The following ATOSB variants were observed in gnomAD, a reference collection of about 807,000 sequenced individuals.
ATOSB encodes atos homolog protein B.
chr9:35,113,674 A>G, the ATOSB span, among the ~76,000 whole-genome samples: 2 of 137,696 alleles, frequency 1.5e-5, no homozygotes, highest in African/African-American at 5.9e-5. Context: ...ATAAATAAAT[A>G]AAGAGGCCTT....
the ATOSB span, chr9:35,110,168 G>A: frequency 6.6e-6 from 1 of 152,318 alleles, no homozygotes; most frequent in African/African-American, 2.4e-5. Context: ...GGATCCCTAA[G>A]AAAATCCTGG....
chr9:35,108,672 T>TACGGCGA, the ATOSB span: 1 of 1,011,266 alleles, frequency 9.9e-7, no homozygotes, highest in Non-Finnish European at 1.2e-6. Context: ...TGCAGTCTGA[T>TACGGCGA]CCATGCCTGC....
chr9:35,106,803 A>G, the ATOSB span: 1 of 1,557,006 alleles, frequency 6.4e-7, no homozygotes, highest in Non-Finnish European at 8.7e-7. This position sits in a 1 kb window ranked among gnomAD's most constrained non-coding sequence, Gnocchi z 4.6. Context: ...ATTCTCAGGG[A>G]CAGGGTAGAG....
the ATOSB span, chr9:35,106,961 A>C: frequency 7.3e-7 from 1 of 1,377,464 alleles, no homozygotes; most frequent in Non-Finnish European, 1.0e-6. The surrounding 1 kb of genome is among the most constrained non-coding windows in gnomAD (Gnocchi z 4.6). Context: ...GAAGCTCATC[A>C]CAAACTCTCA....
At chr9:35,114,970 T>TGGGCAAGGGCCAGGCCAGGCCCTG in the ATOSB span, among the ~76,000 whole-genome samples, 2 of 139,456 alleles carry the variant, frequency 1.4e-5, no homozygotes, top group Non-Finnish European at 3.0e-5. Flanking sequence ...AGCTCCTAGA[T>TGGGCAAGGGCCAGGCCAGGCCCTG]GGGCAAGGGC....
the ATOSB span, chr9:35,107,431 C>T: frequency 3.1e-6 from 5 of 1,613,566 alleles, no homozygotes; most frequent in Non-Finnish European, 2.5e-6. Flanking sequence ...AAGGGTGTGG[C>T]TTTGGCATCA....
At chr9:35,110,233 A>C in the ATOSB span, 1 of 152,242 alleles carries the variant, frequency 6.6e-6, no homozygotes, top group Non-Finnish European at 1.5e-5. Flanking sequence ...CGCAACCTGC[A>C]CTATCCTACC....
chr9:35,108,280 C>A, the ATOSB span: 10 of 1,538,302 alleles, frequency 6.5e-6, no homozygotes, highest in Admixed American at 5.9e-5. Flanking sequence ...CGCATGAAGC[C>A]CCCCTTGGGT....
the ATOSB span, among the ~76,000 whole-genome samples, chr9:35,112,174 C>T: frequency 1.3e-5 from 2 of 152,202 alleles, no homozygotes; most frequent in African/African-American, 2.4e-5. Flanking sequence ...GTACTTTTCC[C>T]TCTGTTACTC....
chr9:35,104,661 G>T, the ATOSB span: 1 of 408,164 alleles, frequency 2.4e-6, no homozygotes, highest in Non-Finnish European at 5.1e-6. Context: ...GGAAGGACAG[G>T]GGAAGCTGAG....
the ATOSB span, chr9:35,108,359 A>G: frequency 1.4e-6 from 2 of 1,435,158 alleles, no homozygotes; most frequent in African/African-American, 2.9e-5. Context: ...TCTGTGTAAG[A>G]GAAGAGAAGA....
At chr9:35,108,574 CT>C in the ATOSB span, 15 of 1,202,168 alleles carry the variant, frequency 1.2e-5, no homozygotes, top group East Asian at 8.3e-5. Context: ...ACACTTCCCC[CT>C]CTTCTCCCTG....
chr9:35,105,134 G>T, the ATOSB span: 1 of 1,398,150 alleles, frequency 7.2e-7, no homozygotes, highest in South Asian at 1.4e-5. The surrounding 1 kb of genome is among the most constrained non-coding windows in gnomAD (Gnocchi z 5.5). Context: ...AAGCCTGAAG[G>T]GTCTCTTGCT....
chr9:35,115,026 CCA>C, the ATOSB span, among the ~76,000 whole-genome samples: 1 of 150,682 alleles, frequency 6.6e-6, no homozygotes, highest in South Asian at 2.1e-4. Flanking sequence ...ATGAGCACAC[CCA>C]GAGCATAAGG....
the ATOSB span, among the ~76,000 whole-genome samples, chr9:35,113,154 A>C: frequency 1.3e-5 from 2 of 152,210 alleles, no homozygotes; most frequent in Non-Finnish European, 2.9e-5. Flanking sequence ...GAAAACAGAG[A>C]CGTAGAACAC....
At chr9:35,114,727 G>A in the ATOSB span, among the ~76,000 whole-genome samples, 95 of 152,302 alleles carry the variant, frequency 6.2e-4, no homozygotes, top group African/African-American at 2.2e-3. Flanking sequence ...AAAACAGACA[G>A]AAGACCCTCA....
At chr9:35,105,950 G>A in the ATOSB span, 8 of 1,614,072 alleles carry the variant, frequency 5.0e-6, no homozygotes, top group East Asian at 1.1e-4. The surrounding 1 kb of genome is among the most constrained non-coding windows in gnomAD (Gnocchi z 5.5). Flanking sequence ...CCACTTGGAC[G>A]GTGCCCACCT....
At chr9:35,112,520 G>C in the ATOSB span, 4 of 152,250 alleles carry the variant, frequency 2.6e-5, no homozygotes, top group Non-Finnish European at 4.4e-5. Flanking sequence ...TCAAATGGCA[G>C]CAGAACCGGC....
At chr9:35,106,750 G>T in the ATOSB span, 12 of 1,502,596 alleles carry the variant, frequency 8.0e-6, no homozygotes, top group African/African-American at 1.4e-4. The surrounding 1 kb of genome is among the most constrained non-coding windows in gnomAD (Gnocchi z 4.6). Context: ...CTGCCCTGGG[G>T]TCCCCTACTC....
Sources: gnomAD v4.1 joint callset for allele counts (sites outside exome capture counted in the v4.1 genomes callset) on GRCh38, gnomAD v4.1.1 for gene constraint, Gnocchi (gnomAD v3.1) non-coding constraint, MANE v1.5 for transcripts, NCBI Gene and HGNC (gene_info 2026-07-23, HGNC 2026-07-21) for gene names.